The following MTMR7 variants were observed in gnomAD, a reference collection of about 807,000 sequenced individuals.
MTMR7 encodes the protein myotubularin related protein 7.
A neutral mutation model predicts 81.2 loss-of-function variants in MTMR7; 76 were observed. The ratio of observed to expected loss-of-function variants is 0.94; its 90% confidence interval spans 0.78 to 1.13. The LOEUF is 1.13. Among genes scored for constraint, MTMR7 ranks in the 50% most tolerant of loss-of-function variants. The pLI, the probability that MTMR7 is intolerant of heterozygous loss-of-function variation, is 0.00. For missense variants in MTMR7, 1,044 were observed against 820.0 expected (o/e 1.27, Z -3.34); for synonymous variants, 372 against 289.8 (o/e 1.28, Z -2.88).
At position 17,348,955 on chromosome 8, in the gene MTMR7, G is replaced by T; in HGVS notation, c.595C>A (p.His199Asn). ...CAAAAACACGCCTCGAGACTTACGTGGTTATCTTTATAATAGTAAGAAAGG... is the reference window on the plus strand; with the variant it reads ...CAAAAACACGCCTCGAGACTTACGTTGTTATCTTTATAATAGTAAGAAAGG... ...PVLSYYYKDNHASICRSSQPL... is the reference protein window; with the variant it reads ...PVLSYYYKDNNASICRSSQPL... Residue 199 changes from histidine to asparagine, a missense_variant and splice_region_variant, in exon 5 of 14, where the codon CAC becomes AAC. Coordinates refer to ENST00000180173, the MANE Select transcript of MTMR7 (RefSeq NM_004686.5). The T allele has an allele frequency of 6.2e-7, 1 of 1,613,468 alleles. No individual in the cohort carries two copies. The highest frequency in any genetic ancestry group is 8.5e-7 in the Non-Finnish European group (1 of 1,179,922).
At chr8:17,383,335 T>C (rs2150573552) in intron 1 of MTMR7, among the ~76,000 whole-genome samples, 1 of 152,206 alleles carries the variant, frequency 6.6e-6, no homozygotes, top group East Asian at 1.9e-4. Flanking sequence ...GGAAGGGTAA[T>C]AACAACAACG....
intron 7 of MTMR7, among the ~76,000 whole-genome samples, chr8:17,315,217 A>C (rs1818000118): frequency 6.6e-6 from 1 of 152,218 alleles, no homozygotes; most frequent in African/African-American, 2.4e-5. Flanking sequence ...CACAGTGCTA[A>C]GGGAAAGAAG....
In MTMR7 at chr8:17,317,599, G is replaced by C. The variant is rs139928437; in HGVS notation, c.866-4198C>G. On this transcript the variant is annotated intron_variant, in intron 7 of 13. Coordinates refer to ENST00000180173, the MANE Select transcript of MTMR7 (RefSeq NM_004686.5). ...AGAAAGTGTATCACCATCTTCTCTT[G>C]TGGAAGTGTGGAAAGAGGCTTCACT... Among the ~76,000 whole-genome samples the C allele has an allele frequency of 5.3e-5, 8 of 152,288 alleles. No individual in the cohort carries two copies. In the East Asian group the frequency reaches 1.5e-3, roughly 29 times the overall value.
intron 2 of MTMR7, among the ~76,000 whole-genome samples, chr8:17,371,686 G>C (rs562215172): frequency 6.6e-6 from 1 of 151,958 alleles, no homozygotes; most frequent in Admixed American, 6.6e-5. Flanking sequence ...GGTCGGGCAG[G>C]CTGCAAAAGA....
intron 7 of MTMR7, among the ~76,000 whole-genome samples, chr8:17,316,779 G>A (rs1221395930): frequency 6.6e-6 from 1 of 152,098 alleles, no homozygotes; most frequent in African/African-American, 2.4e-5. Flanking sequence ...TAAATATATG[G>A]GAGGATGTGC....
At chr8:17,396,415 A>G (rs565864842) in intron 1 of MTMR7, among the ~76,000 whole-genome samples, 14 of 152,296 alleles carry the variant, frequency 9.2e-5, no homozygotes, top group African/African-American at 3.1e-4. Context: ...TCCTACGTGG[A>G]AAAAGAATCT....
chr8:17,310,835 A>T (rs939404034), intron 9 of MTMR7, among the ~76,000 whole-genome samples: 2 of 152,200 alleles, frequency 1.3e-5, no homozygotes, highest in East Asian at 1.9e-4. Flanking sequence ...ACTGTCTACC[A>T]AATCATGGTT....
At chr8:17,395,067 A>T (rs1210303880) in intron 1 of MTMR7, among the ~76,000 whole-genome samples, 1 of 152,204 alleles carries the variant, frequency 6.6e-6, no homozygotes, top group Non-Finnish European at 1.5e-5. Flanking sequence ...ACTATTAAGC[A>T]AAAACCCTTA....
chr8:17,337,782 A>G (rs1819292632), intron 6 of MTMR7, among the ~76,000 whole-genome samples: 1 of 151,876 alleles, frequency 6.6e-6, no homozygotes, highest in Admixed American at 6.6e-5. Flanking sequence ...CATCCAGCTC[A>G]TTTTTTTCTG....
intron 4 of MTMR7, among the ~76,000 whole-genome samples, chr8:17,358,870 A>C (rs1819976042): frequency 7.0e-6 from 1 of 143,100 alleles, no homozygotes; most frequent in African/African-American, 3.0e-5. Context: ...TTCATATGGC[A>C]AAAAAAAGTC....
intron 1 of MTMR7, among the ~76,000 whole-genome samples, chr8:17,373,959 A>C (rs137927444): frequency 4.2e-4 from 64 of 152,320 alleles, no homozygotes; most frequent in African/African-American, 8.9e-4. Flanking sequence ...GGAAATGACA[A>C]GACAATCTCT....
chr8:17,340,379 C>T (rs2410518), intron 6 of MTMR7, among the ~76,000 whole-genome samples: 54,462 of 152,158 alleles, frequency 0.36, 12,910 homozygotes, highest in East Asian at 0.7. Context: ...TCCTCAGTCA[C>T]AGGTCCAGGC....
chr8:17,356,031 G>A (rs1388072035), intron 4 of MTMR7, among the ~76,000 whole-genome samples: 1 of 152,196 alleles, frequency 6.6e-6, no homozygotes, highest in Non-Finnish European at 1.5e-5. Context: ...TGCTGGAGCA[G>A]GAGAAGAAAT....
At chr8:17,407,141 A>G (rs1381605815) in intron 1 of MTMR7, among the ~76,000 whole-genome samples, 1 of 152,182 alleles carries the variant, frequency 6.6e-6, no homozygotes, top group Non-Finnish European at 1.5e-5. Context: ...AAAGCTATTG[A>G]AATACACACA....
chr8:17,375,753 T>C (rs1820566136), intron 1 of MTMR7, among the ~76,000 whole-genome samples: 1 of 152,222 alleles, frequency 6.6e-6, no homozygotes, highest in East Asian at 1.9e-4. Flanking sequence ...AGTAGCCAAA[T>C]ATTTTCTGTA....
At chr8:17,406,230 A>T (rs1009156293) in intron 1 of MTMR7, among the ~76,000 whole-genome samples, 3 of 152,192 alleles carry the variant, frequency 2.0e-5, no homozygotes, top group African/African-American at 7.2e-5. Flanking sequence ...GAACGGGAGG[A>T]AACATTTACA....
At chr8:17,325,601 C>A (rs1254792850) in intron 7 of MTMR7, among the ~76,000 whole-genome samples, 1 of 152,176 alleles carries the variant, frequency 6.6e-6, no homozygotes, top group Non-Finnish European at 1.5e-5. Context: ...GGGCCTGCGT[C>A]CCACATGCTC....
chr8:17,306,079 G>A (rs1302488117), intron 10 of MTMR7, 122 bp from the exon 11 acceptor site: 8 of 764,270 alleles, frequency 1.0e-5, no homozygotes, highest in South Asian at 2.2e-5. Context: ...TTACAAACTT[G>A]GAATGACAAA....
intron 1 of MTMR7, among the ~76,000 whole-genome samples, chr8:17,393,776 T>C (rs2150579168): frequency 6.6e-6 from 1 of 152,290 alleles, no homozygotes; most frequent in Admixed American, 6.5e-5. Flanking sequence ...GACGAGATGA[T>C]CTGTACAACA....
Sources: allele counts gnomAD v4.1 joint callset (sites outside exome capture counted in the v4.1 genomes callset), GRCh38; gene constraint gnomAD v4.1.1; transcripts MANE v1.5; gene names NCBI Gene and HGNC (gene_info 2026-07-23, HGNC 2026-07-21).